ZFHX3: variants seen among roughly 807,000 people sequenced by gnomAD.
ZFHX3 encodes zinc finger homeobox protein 3.
In ZFHX3, 42 loss-of-function variants were observed where a neutral mutation model predicts 279.1. That is an observed-to-expected ratio of 0.15 (90% CI 0.12 to 0.19). The LOEUF (loss-of-function observed/expected upper bound fraction) is 0.19. ZFHX3 is among the 10% of genes least tolerant of loss of function. The pLI is 1.00. For missense variants in ZFHX3, 4,981 were observed against 4,754.0 expected (o/e 1.05, Z -1.40); for synonymous variants, 2,293 against 1,957.8 (o/e 1.17, Z -4.52).
chr16:72,840,292 G>A (rs974109159), intron 4 of ZFHX3, among the ~76,000 whole-genome samples: 39 of 152,154 alleles, frequency 2.6e-4, no homozygotes, highest in Non-Finnish European at 2.9e-5. Flanking sequence ...TTAAATGATG[G>A]TGATTAGAAC....
At chr16:73,064,564 G>A (rs774811863), upstream of ZFHX3, among the ~76,000 whole-genome samples, 10 of 151,646 alleles carry the variant, frequency 6.6e-5, no homozygotes, top group Admixed American at 2.0e-4. Flanking sequence ...CTACTCTTGA[G>A]TGTCATCTCC....
intron 2 of ZFHX3, among the ~76,000 whole-genome samples, chr16:73,457,770 G>C (rs997676596): frequency 6.6e-6 from 1 of 151,036 alleles, no homozygotes; most frequent in Non-Finnish European, 1.5e-5. Flanking sequence ...GCGAGACTCC[G>C]TCTCAAAAAA....
intron 2 of ZFHX3, among the ~76,000 whole-genome samples, chr16:73,640,361 G>C (rs993144955): frequency 6.6e-5 from 10 of 152,072 alleles, no homozygotes; most frequent in African/African-American, 2.2e-4. Context: ...CTCGAACACA[G>C]CAAGTCAAAT....
In ZFHX3 at chr16:73,867,368, C is replaced by T. The variant is rs374834459; in HGVS notation, c.-1608+24283G>A. 1.2e-4 allele frequency among the ~76,000 whole-genome samples: 18 copies of T among 152,276 alleles called. No homozygotes were observed. In the East Asian group the frequency reaches 2.9e-3, roughly 25 times the overall value. The stretch of plus-strand genomic sequence containing the variant: ...TGAGCTGGGTTCTGCTTCACTCACC[C>T]ATGCACCTAGACATCACGTAGCTTA... On this transcript the variant is annotated intron_variant, in intron 1 of 17. Transcript: ENST00000641206.
intron 2 of ZFHX3, among the ~76,000 whole-genome samples, chr16:73,471,967 T>C (rs1425539914): frequency 6.6e-6 from 1 of 152,132 alleles, no homozygotes; most frequent in Non-Finnish European, 1.5e-5. Flanking sequence ...GACAAGGTGA[T>C]GCTCAATTGA....
At chr16:73,847,463 T>C (rs1488167473) in intron 1 of ZFHX3, among the ~76,000 whole-genome samples, 1 of 152,138 alleles carries the variant, frequency 6.6e-6, no homozygotes, top group Non-Finnish European at 1.5e-5. Context: ...TTTGTAGACT[T>C]ATCCTGGGCC....
At chr16:73,482,904 T>C (rs566547604) in intron 2 of ZFHX3, among the ~76,000 whole-genome samples, 5 of 152,348 alleles carry the variant, frequency 3.3e-5, no homozygotes, top group African/African-American at 9.6e-5. Context: ...TCTATCCATA[T>C]TGTCAATAAA....
intron 1 of ZFHX3, among the ~76,000 whole-genome samples, chr16:73,716,445 G>A (rs1047048530): frequency 6.6e-6 from 1 of 152,246 alleles, no homozygotes; most frequent in South Asian, 2.1e-4. Flanking sequence ...CAATTAAAAA[G>A]ACGGGCTATT....
chr16:72,953,640 A>C (rs963667429), intron 2 of ZFHX3, among the ~76,000 whole-genome samples: 1 of 152,124 alleles, frequency 6.6e-6, no homozygotes, highest in African/African-American at 2.4e-5. Context: ...TCTGTTGCCC[A>C]GGCTGGAGTG....
At chr16:73,070,896 G>A (rs1371226258) in intron 8 of ZFHX3, among the ~76,000 whole-genome samples, 1 of 147,722 alleles carries the variant, frequency 6.8e-6, no homozygotes, top group African/African-American at 2.5e-5. Flanking sequence ...CCCCTTGCGG[G>A]CTGGTTCCTA....
chr16:73,584,716 A>G (rs558691866), intron 2 of ZFHX3, among the ~76,000 whole-genome samples: 1 of 152,256 alleles, frequency 6.6e-6, no homozygotes, highest in African/African-American at 2.4e-5. Context: ...AAGCAATTGC[A>G]ACAAAAGCAA....
intron 4 of ZFHX3, among the ~76,000 whole-genome samples, chr16:72,877,676 G>GA (rs1427150676): frequency 1.3e-5 from 2 of 151,950 alleles, no homozygotes; most frequent in African/African-American, 2.4e-5. Context: ...TTGGTTTTTA[G>GA]AAAAAAAACT....
intron 5 of ZFHX3, among the ~76,000 whole-genome samples, chr16:73,245,644 C>G (rs1156635098): frequency 6.6e-6 from 1 of 152,282 alleles, no homozygotes; most frequent in Non-Finnish European, 1.5e-5. Context: ...TCTGGGGAGG[C>G]TGTCATGGGG....
At chr16:73,635,724 A>T (rs1243457088) in intron 2 of ZFHX3, among the ~76,000 whole-genome samples, 1 of 151,536 alleles carries the variant, frequency 6.6e-6, no homozygotes, top group Non-Finnish European at 1.5e-5. Flanking sequence ...CGATCTCACT[A>T]CTCCCATCTA....
chr16:72,844,319 A>T (rs919345019), intron 4 of ZFHX3, among the ~76,000 whole-genome samples: 1 of 152,124 alleles, frequency 6.6e-6, no homozygotes, highest in Non-Finnish European at 1.5e-5. Context: ...CTCGCTCCAA[A>T]TAATCTAAAG....
At chr16:73,765,950 A>G (rs1420967366) in intron 1 of ZFHX3, among the ~76,000 whole-genome samples, 1 of 152,206 alleles carries the variant, frequency 6.6e-6, no homozygotes, top group Non-Finnish European at 1.5e-5. Flanking sequence ...ATAAAGCCTG[A>G]GGCTTACTCT....
intron 1 of ZFHX3, among the ~76,000 whole-genome samples, chr16:73,766,817 T>C (rs1444071996): frequency 1.3e-5 from 2 of 151,990 alleles, no homozygotes; most frequent in African/African-American, 4.8e-5. Context: ...TCATGGAAAA[T>C]GATCTGATCT....
intron 4 of ZFHX3, among the ~76,000 whole-genome samples, chr16:72,883,185 G>A (rs1046757391): frequency 1.3e-5 from 2 of 152,014 alleles, no homozygotes; most frequent in Non-Finnish European, 2.9e-5. Context: ...GATTGTTAGA[G>A]GACTAATTAA....
intron 1 of ZFHX3, among the ~76,000 whole-genome samples, chr16:72,975,033 G>A (rs1962290105): frequency 6.6e-6 from 1 of 152,186 alleles, no homozygotes; most frequent in South Asian, 2.1e-4. Context: ...AGGGTAAAGT[G>A]AACCGGCAGC....
Sources: gnomAD v4.1 joint callset for allele counts (sites outside exome capture counted in the v4.1 genomes callset) on GRCh38, gnomAD v4.1.1 for gene constraint, MANE v1.5 for transcripts, NCBI Gene and HGNC (gene_info 2026-07-23, HGNC 2026-07-21) for gene names.